CYP2S1: variants seen among roughly 807,000 people sequenced by gnomAD.
CYP2S1 encodes cytochrome P450 2S1.
Under a neutral mutation model 43.5 loss-of-function variants are expected in CYP2S1, and 32 were observed. That is an observed-to-expected ratio of 0.74 (90% CI 0.56 to 0.99). CYP2S1 has a LOEUF of 0.99. CYP2S1 is among the 50% of genes least tolerant of loss of function. The pLI is 0.00. For missense variants in CYP2S1, 575 were observed against 673.9 expected (o/e 0.85, Z 1.62); for synonymous variants, 283 against 302.9 (o/e 0.93, Z 0.68).
rs982968826 is a variant in CYP2S1 at position 41,206,546 on chromosome 19, G to A, written c.*58G>A. The A allele has an allele frequency of 1.4e-5, 22 of 1,592,504 alleles. 1 individual carries two copies. Among genetic ancestry groups the A allele is most frequent in the Non-Finnish European group, 1.7e-5 (20 of 1,161,164 alleles). On this transcript the variant is annotated 3_prime_UTR_variant, in exon 9 of 9. Coordinates refer to ENST00000310054, the MANE Select transcript of CYP2S1 (RefSeq NM_030622.8). ...GACGGTGCCTCCAGCCTCAACAGTG[G>A]GCATGGACAGGGTTAATGTCTCCAG...
intron 5 of CYP2S1, among the ~76,000 whole-genome samples, chr19:41,200,720 A>T (rs1402326507): frequency 1.3e-5 from 2 of 152,148 alleles, no homozygotes; most frequent in African/African-American, 4.8e-5. Context: ...AAATGTTTTT[A>T]AAAATGAAAG....
At position 41,198,611 on chromosome 19, in the gene CYP2S1, C is replaced by A. The variant is rs2033446466; in HGVS notation, c.643C>A (p.Gln215Lys). Reference sequence around the variant, plus strand: ...TGGTACCCTGCTGGGAGTCAGCTCCCAGGGGGGTCAGGTGAGTGGGTGGGA... The same window carrying A: ...TGGTACCCTGCTGGGAGTCAGCTCCAAGGGGGGTCAGGTGAGTGGGTGGGA... ...AGGTLLGVSSQGGQTYEMFSW... is the reference protein window; with the variant it reads ...AGGTLLGVSSKGGQTYEMFSW... Residue 215 changes from glutamine to lysine, a missense_variant, in exon 4 of 9, where the codon CAG becomes AAG. Coordinates refer to ENST00000310054, the MANE Select transcript of CYP2S1 (RefSeq NM_030622.8). This position sits in a 1 kb window ranked among gnomAD's most constrained non-coding sequence, Gnocchi z 4.9. 1.2e-6 allele frequency: 2 copies of A among 1,613,990 alleles called. No individual in the cohort carries two copies. Among genetic ancestry groups the A allele is most frequent in the South Asian group, 2.2e-5 (2 of 91,092 alleles).
chr19:41,196,924 C>T (rs1480498248), intron 2 of CYP2S1, among the ~76,000 whole-genome samples: 1 of 152,098 alleles, frequency 6.6e-6, no homozygotes, highest in Non-Finnish European at 1.5e-5. Flanking sequence ...AGGCCAGGTG[C>T]GGTGCTCACG....
At chr19:41,193,509 G>C (rs1404710006) in intron 1 of CYP2S1, 68 bp downstream of exon 1, 3 of 1,387,234 alleles carry the variant, frequency 2.2e-6, no homozygotes, top group East Asian at 5.9e-5. Flanking sequence ...CGAGTGCCAG[G>C]GTGAGGGGCT....
rs1247821240 is a variant in CYP2S1 at position 41,197,778 on chromosome 19, G to C, written c.344-1G>C. 1 of 1,613,978 alleles carries C rather than the reference G, an allele frequency of 6.2e-7. No homozygotes were observed. Among genetic ancestry groups the C allele is most frequent in the South Asian group, 1.1e-5 (1 of 91,068 alleles). On this transcript the variant is annotated splice_acceptor_variant, in intron 2 of 8. Coordinates refer to ENST00000310054, the MANE Select transcript of CYP2S1 (RefSeq NM_030622.8). LOFTEE classifies it high-confidence loss of function. The stretch of plus-strand genomic sequence containing the variant: ...CTTTTTGAGTCTAGCCTTCTGCGCA[G>C]GGGTTTTCTTCTCCAACGGGGAGCG...
rs547581854 is a variant in CYP2S1, at chr19:41,198,898, G to A, written c.834+10G>A. On this transcript the variant is annotated intron_variant, in intron 5 of 8. Transcript: ENST00000310054. This position sits in a 1 kb window ranked among gnomAD's most constrained non-coding sequence, Gnocchi z 4.9. ...GCTGAAGATGGCACAGGTGTGGGAA[G>A]GGTGCAGGGACCCCCTCTCTGAATG... is the stretch of plus-strand genomic sequence containing the variant. 1.7e-4 allele frequency: 274 copies of A among 1,606,696 alleles called. 3 individuals carry two copies. The South Asian group carries it at 2.8e-3, about 16-fold the overall frequency.
chr19:41,196,745 G>T (rs2033417853), intron 2 of CYP2S1, among the ~76,000 whole-genome samples: 2 of 152,154 alleles, frequency 1.3e-5, no homozygotes, highest in Non-Finnish European at 2.9e-5. Flanking sequence ...TGGAGCAGGT[G>T]TCTTGGATAA....
chr19:41,203,219 A>T lies in CYP2S1; in HGVS notation c.977-231A>T, dbSNP rs186856920. On this transcript the variant is annotated intron_variant, in intron 6 of 8. Transcript: ENST00000310054. ...AAGAGCAAAACTCCGTTGCAAAAAA[A>T]AATAATAATAATAAAATGAAATAAA... Among the ~76,000 whole-genome samples, 187 of 152,068 alleles carry T rather than the reference A, an allele frequency of 1.2e-3. 1 individual carries two copies. The highest frequency in any genetic ancestry group is 3.0e-3 in the African/African-American group (124 of 41,486).
intron 2 of CYP2S1, 36 bp from the exon 3 acceptor site, chr19:41,197,743 G>T (rs756970380): frequency 5.0e-6 from 8 of 1,608,212 alleles, no homozygotes; most frequent in Non-Finnish European, 6.8e-6. Context: ...TGGGGGAGAG[G>T]GGCCGGTCCC....
Position 41,197,885 on chromosome 19 carries a change from G to A in CYP2S1, c.450G>A (p.Gln150=). The A allele has an allele frequency of 6.2e-7, 1 of 1,614,088 alleles. No individual in the cohort carries two copies. The highest frequency in any genetic ancestry group is 8.5e-7 in the Non-Finnish European group (1 of 1,180,008). ...MGKREGEELI[Q]AEARCLVETF... ...AGCGAGAAGGCGAGGAGCTGATCCAGGCGGAGGCCCGGTGTCTGGTGGAGA... is the reference window on the plus strand; with the variant it reads ...AGCGAGAAGGCGAGGAGCTGATCCAAGCGGAGGCCCGGTGTCTGGTGGAGA... Residue 150 remains glutamine, a synonymous_variant, in exon 3 of 9, where the codon CAG becomes CAA. Transcript: ENST00000310054.
rs1207364535 is a variant in CYP2S1, at chr19:41,206,072, C to T, written c.1279C>T (p.His427Tyr). The change falls in exon 8 of 9, where the codon CAT becomes TAT. Residue 427 changes from histidine to tyrosine, a missense_variant. This residue lies in a region of CYP2S1 where 222 missense variants were observed against 306.3 expected (regional missense o/e 0.72). Coordinates refer to ENST00000310054, the MANE Select transcript of CYP2S1 (RefSeq NM_030622.8). The stretch of plus-strand genomic sequence containing the variant: ...GGATGCAGATGGACGGTTCAGGAAG[C>T]ATGAGGCGTTCCTGCCCTTCTCCTT... ...FLDADGRFRK[H>Y]EAFLPFSLGK... 4 of 1,614,116 alleles carry T rather than the reference C, an allele frequency of 2.5e-6. No individual in the cohort carries two copies. The highest frequency in any genetic ancestry group is 3.4e-6 in the Non-Finnish European group (4 of 1,180,036).
In CYP2S1 at chr19:41,198,005, C is replaced by T; in HGVS notation, c.493+77C>T. ...TCTCCTACTGTGGCTGGGGGTGGCC[C>T]CAACCCAGGTCCTGGAATGGGCAGG... On this transcript the variant is annotated intron_variant, in intron 3 of 8. Coordinates refer to ENST00000310054, the MANE Select transcript of CYP2S1 (RefSeq NM_030622.8). This position sits in a 1 kb window ranked among gnomAD's most constrained non-coding sequence, Gnocchi z 4.9. 6.7e-7 allele frequency: 1 copy of T among 1,500,350 alleles called. No homozygotes were observed. Among genetic ancestry groups the T allele is most frequent in the Admixed American group, 2.4e-5 (1 of 41,622 alleles). 92.9% of individuals were successfully genotyped at this position (1,500,350 alleles called of 1,614,324 possible).
chr19:41,203,308 T>C, intron 6 of CYP2S1, 142 bp from the exon 7 acceptor site: 1 of 724,262 alleles, frequency 1.4e-6, no homozygotes, highest in Admixed American at 3.9e-5. Context: ...GTGTGGTCTT[T>C]GGGCTCAGTG....
chr19:41,197,698 T>C (rs1338793519), intron 2 of CYP2S1, 81 bp from the exon 3 acceptor site: 3 of 1,332,272 alleles, frequency 2.3e-6, no homozygotes, highest in Non-Finnish European at 3.1e-6. Context: ...AGATTCCGTC[T>C]CAAAAAAAAA....
chr19:41,196,407 G>A (rs559730414), intron 2 of CYP2S1, among the ~76,000 whole-genome samples: 5 of 152,150 alleles, frequency 3.3e-5, no homozygotes, highest in Non-Finnish European at 7.3e-5. Flanking sequence ...GCAGGGAACA[G>A]CTGTATTCAG....
intron 5 of CYP2S1, among the ~76,000 whole-genome samples, chr19:41,199,303 G>A (rs2033458287): frequency 6.6e-6 from 1 of 151,886 alleles, no homozygotes; most frequent in Non-Finnish European, 1.5e-5. Context: ...CATTTATTAG[G>A]AAGCCTTGCA....
At chr19:41,204,293 C>T (rs1333283505) in intron 7 of CYP2S1, among the ~76,000 whole-genome samples, 3 of 152,176 alleles carry the variant, frequency 2.0e-5, no homozygotes, top group African/African-American at 4.8e-5. Context: ...TTGGGACAAT[C>T]GAATGAGGTA....
Position 41,205,977 on chromosome 19 carries a change from T to G in CYP2S1, c.1184T>G (p.Leu395Arg). 3 of 1,614,010 alleles carry G rather than the reference T, an allele frequency of 1.9e-6. No individual in the cohort carries two copies. The highest frequency in any genetic ancestry group is 2.5e-6 in the Non-Finnish European group (3 of 1,179,954). Residue 395 changes from leucine to arginine, a missense_variant, in exon 8 of 9, where the codon CTC becomes CGC. Transcript: ENST00000310054. ...CCTCAGGGCACGGAGGTCTTCCCCCTCCTTGGCTCCATCCTGCATGACCCC... is the reference window on the plus strand; with the variant it reads ...CCTCAGGGCACGGAGGTCTTCCCCCGCCTTGGCTCCATCCTGCATGACCCC... ...TLPQGTEVFP[L>R]LGSILHDPNI...
chr19:41,205,809 A>C, intron 7 of CYP2S1, 149 bp from the exon 8 acceptor site: 2 of 1,025,028 alleles, frequency 2.0e-6, no homozygotes. Flanking sequence ...GGCATGAGCC[A>C]CTGCACGCCA....
Sources: gnomAD v4.1 joint callset for allele counts (sites outside exome capture counted in the v4.1 genomes callset) on GRCh38, gnomAD v4.1.1 for gene constraint, gnomAD v4.1.1 regional missense constraint, Gnocchi (gnomAD v3.1) non-coding constraint, MANE v1.5 for transcripts, NCBI Gene and HGNC (gene_info 2026-07-23, HGNC 2026-07-21) for gene names.